Variants in PLEKHA2 observed in about 807,000 individuals in gnomAD.
PLEKHA2 encodes pleckstrin homology domain containing A2, also known as pleckstrin homology domain-containing family A member 2.
Under a neutral mutation model 53.2 loss-of-function variants are expected in PLEKHA2, and 28 were observed. That is an observed-to-expected ratio of 0.53 (90% confidence interval 0.39 to 0.72). The LOEUF is 0.72. PLEKHA2 is among the 30% of genes least tolerant of loss of function. The pLI is 0.00. For synonymous variants in PLEKHA2, 193 were observed against 196.4 expected (o/e 0.98, Z 0.14); for missense variants, 426 against 537.9 (o/e 0.79, Z 2.06).
rs753199205 is a variant in PLEKHA2 at position 38,970,996 on chromosome 8, A to C, written c.*1213A>C. The C allele has an allele frequency of 7.2e-5, 11 of 152,228 alleles. No individual in the cohort carries two copies. Among genetic ancestry groups the C allele is most frequent in the Non-Finnish European group, 1.0e-4 (7 of 68,038 alleles). 9.4% of individuals were successfully genotyped at this position (152,228 alleles called of 1,614,324 possible). ...TGACTTTTATCAGCTAGATCAGTTAATTGTATTTTTAAATTAAAAATTAGT... is the reference window on the plus strand; with the variant it reads ...TGACTTTTATCAGCTAGATCAGTTACTTGTATTTTTAAATTAAAAATTAGT... On this transcript the variant is annotated 3_prime_UTR_variant, in exon 12 of 12. Coordinates refer to ENST00000617275, the MANE Select transcript of PLEKHA2 (RefSeq NM_021623.2).
intron 3 of PLEKHA2, among the ~76,000 whole-genome samples, chr8:38,941,627 G>A (rs1246152697): frequency 6.6e-6 from 1 of 152,194 alleles, no homozygotes; most frequent in Non-Finnish European, 1.5e-5. Flanking sequence ...TTCCAGGTGG[G>A]ACACTGCCTG....
intron 9 of PLEKHA2, among the ~76,000 whole-genome samples, chr8:38,955,304 T>C (rs1212393516): frequency 6.6e-6 from 1 of 152,236 alleles, no homozygotes; most frequent in African/African-American, 2.4e-5. Flanking sequence ...TATGTGACTT[T>C]ACTGGCTATG....
chr8:38,921,561 T>A (rs1256787456), intron 2 of PLEKHA2, among the ~76,000 whole-genome samples: 1 of 152,234 alleles, frequency 6.6e-6, no homozygotes, highest in Non-Finnish European at 1.5e-5. Context: ...GAACCTGTGC[T>A]AAGCCTGGAC....
At chr8:38,938,027 T>C (rs1272949026) in intron 3 of PLEKHA2, among the ~76,000 whole-genome samples, 1 of 152,136 alleles carries the variant, frequency 6.6e-6, no homozygotes, top group African/African-American at 2.4e-5. Flanking sequence ...TTGGATGTCA[T>C]CCAGAGCATC....
intron 2 of PLEKHA2, among the ~76,000 whole-genome samples, chr8:38,926,021 C>T (rs1834282170): frequency 6.6e-6 from 1 of 152,230 alleles, no homozygotes; most frequent in African/African-American, 2.4e-5. Context: ...TTCTCCCTCC[C>T]ACTTCTGTCC....
At chr8:38,954,083 T>G (rs942700605) in intron 9 of PLEKHA2, among the ~76,000 whole-genome samples, 2 of 152,184 alleles carry the variant, frequency 1.3e-5, no homozygotes, top group Non-Finnish European at 2.9e-5. Flanking sequence ...ATCTGCAGTC[T>G]TTAGAGACAG....
intron 1 of PLEKHA2, 72 bp from the exon 2 acceptor site, chr8:38,917,835 A>G: frequency 1.3e-6 from 2 of 1,515,054 alleles, no homozygotes; most frequent in Non-Finnish European, 1.8e-6. Flanking sequence ...AGCTTCTGGA[A>G]AAGATTCCTG....
At chr8:38,916,403 C>T (rs539166268) in intron 1 of PLEKHA2, among the ~76,000 whole-genome samples, 1 of 152,218 alleles carries the variant, frequency 6.6e-6, no homozygotes, top group Admixed American at 6.5e-5. Flanking sequence ...ATCCCCATTT[C>T]CCCCCAGCCC....
intron 1 of PLEKHA2, among the ~76,000 whole-genome samples, chr8:38,912,355 T>C (rs1437267819): frequency 6.6e-6 from 1 of 152,176 alleles, no homozygotes; most frequent in East Asian, 1.9e-4. Flanking sequence ...GGCAGAGTGT[T>C]GTGAGAGTTA....
chr8:38,909,023 G>A (rs1247014226), intron 1 of PLEKHA2, among the ~76,000 whole-genome samples: 1 of 151,934 alleles, frequency 6.6e-6, no homozygotes, highest in Non-Finnish European at 1.5e-5. Context: ...CACGCCTGTA[G>A]TCCCAGCTAC....
At chr8:38,959,583 C>T (rs190385720) in intron 10 of PLEKHA2, among the ~76,000 whole-genome samples, 122 of 152,234 alleles carry the variant, frequency 8.0e-4, no homozygotes, top group African/African-American at 2.8e-3. Flanking sequence ...TCAAGGATTG[C>T]CTGGCCCTGT....
At chr8:38,909,760 TCA>T (rs1250748641) in intron 1 of PLEKHA2, among the ~76,000 whole-genome samples, 1 of 152,190 alleles carries the variant, frequency 6.6e-6, no homozygotes, top group African/African-American at 2.4e-5. Flanking sequence ...CAGGAATCTC[TCA>T]GTTTAATTGC....
At chr8:38,965,921 A>C (rs537412488) in intron 10 of PLEKHA2, among the ~76,000 whole-genome samples, 1 of 152,352 alleles carries the variant, frequency 6.6e-6, no homozygotes, top group Non-Finnish European at 1.5e-5. Flanking sequence ...CTTGTGGAAC[A>C]GGCCAGCCCT....
At chr8:38,934,783 T>C (rs1217654973) in intron 2 of PLEKHA2, among the ~76,000 whole-genome samples, 2 of 152,024 alleles carry the variant, frequency 1.3e-5, no homozygotes, top group African/African-American at 4.8e-5. Context: ...CCTTTGCTAC[T>C]CATAACAGCC....
At chr8:38,944,656 G>A (rs1834675056) in intron 4 of PLEKHA2, among the ~76,000 whole-genome samples, 1 of 152,150 alleles carries the variant, frequency 6.6e-6, no homozygotes, top group South Asian at 2.1e-4. Context: ...GGGGGATGGT[G>A]TTAAACCATG....
At chr8:38,918,620 C>A (rs117356291) in intron 2 of PLEKHA2, among the ~76,000 whole-genome samples, 17 of 42,396 alleles carry the variant, frequency 4.0e-4, no homozygotes, top group South Asian at 8.3e-4. Context: ...ACAAGCCATA[C>A]ACACACACCA....
At chr8:38,928,919 G>T (rs74700076) in intron 2 of PLEKHA2, among the ~76,000 whole-genome samples, 1 of 152,106 alleles carries the variant, frequency 6.6e-6, no homozygotes, top group Non-Finnish European at 1.5e-5. Context: ...GTCACCTGGT[G>T]CCTGGGATTC....
intron 1 of PLEKHA2, among the ~76,000 whole-genome samples, chr8:38,905,105 G>A (rs548925376): frequency 6.6e-6 from 1 of 152,286 alleles, no homozygotes; most frequent in Non-Finnish European, 1.5e-5. Flanking sequence ...GATGGGATGG[G>A]TAACTGAAAT....
In PLEKHA2 at chr8:38,959,335, C is replaced by T. The variant is rs1057438051; in HGVS notation, c.837+1949C>T. 4.6e-5 allele frequency among the ~76,000 whole-genome samples: 7 copies of T among 152,200 alleles called. No homozygotes were observed. The East Asian group carries it at 9.7e-4, about 21-fold the overall frequency. On this transcript the variant is annotated intron_variant, in intron 10 of 11. Transcript: ENST00000617275. The stretch of plus-strand genomic sequence containing the variant: ...TTTTAAAGCCTGGTAATAAAAGGAG[C>T]AAAGGGCCAAAAGGAGGCTGGACAG...
Sources: gnomAD v4.1 joint callset for allele counts (sites outside exome capture counted in the v4.1 genomes callset) on GRCh38, gnomAD v4.1.1 for gene constraint, MANE v1.5 for transcripts, NCBI Gene and HGNC (gene_info 2026-07-23, HGNC 2026-07-21) for gene names.